Variants in MAD1L1 observed in about 807,000 individuals in gnomAD.
The protein encoded by MAD1L1 is mitotic arrest deficient 1 like 1.
Under a neutral mutation model 96.9 loss-of-function variants are expected in MAD1L1, and 95 were observed. The observed-to-expected ratio is 0.98, with a 90% CI of 0.83 to 1.16. The LOEUF (loss-of-function observed/expected upper bound fraction) is 1.16, where lower values mean the gene tolerates loss of function less well. Ranked by LOEUF, MAD1L1 falls within the 50% of genes most tolerant of loss-of-function variation. The pLI, the probability that MAD1L1 is intolerant of heterozygous loss-of-function variation, is 0.00. For synonymous variants in MAD1L1, 473 were observed against 396.6 expected (o/e 1.19, Z -2.29); for missense variants, 1,007 against 954.4 (o/e 1.06, Z -0.73).
At chr7:2,089,654 T>A (rs1208560474) in intron 11 of MAD1L1, among the ~76,000 whole-genome samples, 1 of 150,752 alleles carries the variant, frequency 6.6e-6, no homozygotes, top group Non-Finnish European at 1.5e-5. Context: ...CCAATACCTG[T>A]CCCCGGGGCC....
intron 10 of MAD1L1, among the ~76,000 whole-genome samples, chr7:2,211,770 C>T (rs1792960416): frequency 1.3e-5 from 2 of 152,234 alleles, no homozygotes; most frequent in Admixed American, 1.3e-4. Context: ...TTTCAGGTGA[C>T]AGAGAACTGA....
At chr7:2,207,775 A>T (rs1365972377) in intron 10 of MAD1L1, among the ~76,000 whole-genome samples, 1 of 152,232 alleles carries the variant, frequency 6.6e-6, no homozygotes, top group Non-Finnish European at 1.5e-5. Context: ...CCTGTCAGTC[A>T]GAAGTACAGC....
chr7:1,873,338 G>A (rs1333544239), intron 18 of MAD1L1, among the ~76,000 whole-genome samples: 6 of 152,158 alleles, frequency 3.9e-5, no homozygotes, highest in Non-Finnish European at 8.8e-5. Flanking sequence ...CCTAAATGGG[G>A]TTGTAATTAC....
chr7:2,213,847 C>T (rs915651471), intron 9 of MAD1L1, among the ~76,000 whole-genome samples: 2 of 152,226 alleles, frequency 1.3e-5, no homozygotes, highest in East Asian at 3.8e-4. Context: ...CCATGCTGAG[C>T]CGCATCCCAA....
chr7:1,941,024 A>AGCCTCCTCTTCCTCTCCC (rs1778971501), intron 16 of MAD1L1, among the ~76,000 whole-genome samples: 3 of 24,400 alleles, frequency 1.2e-4, no homozygotes, highest in South Asian at 4.6e-4. Context: ...CCCAGGCTTC[A>AGCCTCCTCTTCCTCTCCC]ACACCGCGGA....
At chr7:1,875,057 G>A (rs1486086061) in intron 18 of MAD1L1, among the ~76,000 whole-genome samples, 5 of 152,264 alleles carry the variant, frequency 3.3e-5, no homozygotes, top group Admixed American at 2.0e-4. Context: ...CAAGCTCCCT[G>A]TGAGACTGGG....
intron 11 of MAD1L1, among the ~76,000 whole-genome samples, chr7:2,102,321 GCCGTCACCATCACCATCACCA>G (rs1786841899): frequency 1.1e-5 from 1 of 94,308 alleles, no homozygotes; most frequent in African/African-American, 3.6e-5. Context: ...CACCATCACC[GCCGTCACCATCACCATCACCA>G]CCGCCACCAT....
chr7:1,842,402 C>T (rs987553568), intron 18 of MAD1L1, among the ~76,000 whole-genome samples: 1 of 152,244 alleles, frequency 6.6e-6, no homozygotes, highest in African/African-American at 2.4e-5. Context: ...CCGGCCTCAG[C>T]CGTCACAGCC....
intron 10 of MAD1L1, among the ~76,000 whole-genome samples, chr7:2,154,291 T>A (rs2128583448): frequency 6.6e-6 from 1 of 152,272 alleles, no homozygotes; most frequent in Admixed American, 6.5e-5. Context: ...ATTCACCTCC[T>A]AAAGGCAGAG....
chr7:2,106,564 A>G (rs1787112584), intron 11 of MAD1L1, among the ~76,000 whole-genome samples: 1 of 152,096 alleles, frequency 6.6e-6, no homozygotes, highest in Admixed American at 6.5e-5. Flanking sequence ...GTGGGGGGAG[A>G]AGGCAGGCCA....
chr7:2,168,182 G>A lies in MAD1L1; in HGVS notation c.987-18944C>T, dbSNP rs534939928. On this transcript the variant is annotated intron_variant, in intron 10 of 18. Coordinates refer to ENST00000265854, the MANE Select transcript of MAD1L1 (RefSeq NM_001013836.2). Reference sequence around the variant, plus strand: ...TGCCTGTAGTCCCAGCTACTCGGGAGGCTGAGGCAGGAGAATGGCTTGAAC... The same window carrying A: ...TGCCTGTAGTCCCAGCTACTCGGGAAGCTGAGGCAGGAGAATGGCTTGAAC... 4.5e-3 allele frequency among the ~76,000 whole-genome samples: 683 copies of A among 152,336 alleles called. 8 individuals are homozygous for A. Among genetic ancestry groups the A allele is most frequent in the African/African-American group, 0.015 (644 of 41,566 alleles).
chr7:2,001,924 C>A (rs1781813813), intron 14 of MAD1L1, 141 bp downstream of exon 14: 1 of 842,806 alleles, frequency 1.2e-6, no homozygotes, highest in African/African-American at 1.7e-5. Flanking sequence ...CACACCCTTC[C>A]CCGCTCAACG....
chr7:2,164,784 C>T (rs1286710088), intron 10 of MAD1L1, among the ~76,000 whole-genome samples: 3 of 152,208 alleles, frequency 2.0e-5, no homozygotes, highest in Admixed American at 1.3e-4. Flanking sequence ...CCAGCAAGGA[C>T]ACTACATGGA....
At chr7:1,976,717 T>C (rs1355168167) in intron 15 of MAD1L1, among the ~76,000 whole-genome samples, 1 of 152,252 alleles carries the variant, frequency 6.6e-6, no homozygotes, top group Non-Finnish European at 1.5e-5. Flanking sequence ...TGGTCTGTTT[T>C]GACACGGTGC....
At chr7:2,183,867 C>A (rs568922575) in intron 10 of MAD1L1, among the ~76,000 whole-genome samples, 9 of 151,416 alleles carry the variant, frequency 5.9e-5, no homozygotes, top group African/African-American at 2.2e-4. Flanking sequence ...CAAACCTGCA[C>A]GTTGTGCACA....
In MAD1L1 at chr7:2,114,912, A is replaced by G. The variant is rs1378216256; in HGVS notation, c.1073+34240T>C. On this transcript the variant is annotated intron_variant, in intron 11 of 18. Transcript: ENST00000265854. The surrounding 1 kb of genome is among the most constrained non-coding windows in gnomAD (Gnocchi z 4.2). ...TGCTTTGCAAACACAAGGGCCTCGAAGCCCCGCCTTCCGGTGAGCACCGCT... is the reference window on the plus strand; with the variant it reads ...TGCTTTGCAAACACAAGGGCCTCGAGGCCCCGCCTTCCGGTGAGCACCGCT... Among the ~76,000 whole-genome samples, 1 of 152,190 alleles carries G rather than the reference A, an allele frequency of 6.6e-6. No homozygotes were observed. The highest frequency in any genetic ancestry group is 1.5e-5 in the Non-Finnish European group (1 of 68,026).
Position 1,951,097 on chromosome 7 carries a change from C to T in MAD1L1, c.1596+6532G>A, listed in dbSNP as rs928115915. Among the ~76,000 whole-genome samples, 7 of 152,372 alleles carry T rather than the reference C, an allele frequency of 4.6e-5. No individual in the cohort carries two copies. The South Asian group carries it at 6.2e-4, about 14-fold the overall frequency. On this transcript the variant is annotated intron_variant, in intron 16 of 18. Coordinates refer to ENST00000265854, the MANE Select transcript of MAD1L1 (RefSeq NM_001013836.2). ...CCGGGAGGCTGCTCCCCTGGCCTGC[C>T]GAGGAAGTGAACTGGGTCCCTGCCA...
intron 18 of MAD1L1, among the ~76,000 whole-genome samples, chr7:1,822,837 C>T (rs1055236560): frequency 3.3e-5 from 5 of 151,782 alleles, no homozygotes; most frequent in South Asian, 4.2e-4. Context: ...TGTTGAGAAC[C>T]GTACAGCTAC....
chr7:1,818,187 T>C (rs1197792632), intron 18 of MAD1L1, among the ~76,000 whole-genome samples: 1 of 151,896 alleles, frequency 6.6e-6, no homozygotes. Context: ...CGGGCAGGGG[T>C]GGGGAGGCAG....
Sources: gnomAD v4.1 joint callset for allele counts (sites outside exome capture counted in the v4.1 genomes callset) on GRCh38, gnomAD v4.1.1 for gene constraint, Gnocchi (gnomAD v3.1) non-coding constraint, MANE v1.5 for transcripts, NCBI Gene and HGNC (gene_info 2026-07-23, HGNC 2026-07-21) for gene names.